Variants in PAX2 observed in about 807,000 individuals in gnomAD.
PAX2 encodes paired box protein Pax-2.
PAX2 carries 9 observed loss-of-function variants against 41.7 expected under a neutral mutation model. The observed-to-expected ratio is 0.22, with a 90% confidence interval of 0.13 to 0.38. The LOEUF is 0.38. Among genes scored for constraint, PAX2 ranks in the 10% least tolerant of loss-of-function variants. The probability of loss-of-function intolerance (pLI) is 1.00; values close to 1 mark genes in which losing one functional copy is unlikely to be tolerated. For synonymous variants in PAX2, 221 were observed against 212.7 expected (o/e 1.04, Z -0.34); for missense variants, 418 against 531.6 (o/e 0.79, Z 2.10).
intron 5 of PAX2, among the ~76,000 whole-genome samples, chr10:100,795,457 G>A (rs191678599): frequency 1.3e-5 from 2 of 152,210 alleles, no homozygotes; most frequent in Admixed American, 1.3e-4. Context: ...GGCAACTAGG[G>A]AAGTGTTTAT....
intron 7 of PAX2, among the ~76,000 whole-genome samples, chr10:100,816,522 T>A (rs1848190135): frequency 6.6e-6 from 1 of 152,192 alleles, no homozygotes; most frequent in Non-Finnish European, 1.5e-5. Context: ...AGGTATGTAT[T>A]GGTACCAAGG....
Position 100,827,483 on chromosome 10 carries a change from T to G in PAX2, c.1109-60T>G. ...AGGTCTTTTCTGTGCTTTTCTTTCCTTTTTTGTTCTCCTGTTTGTCCTCTC... is the reference window on the plus strand; with the variant it reads ...AGGTCTTTTCTGTGCTTTTCTTTCCGTTTTTGTTCTCCTGTTTGTCCTCTC... On this transcript the variant is annotated intron_variant, in intron 9 of 9. Transcript: ENST00000355243. This position sits in a 1 kb window ranked among gnomAD's most constrained non-coding sequence, Gnocchi z 8.5. 6.4e-7 allele frequency: 1 copy of G among 1,550,528 alleles called. No individual in the cohort carries two copies. The highest frequency in any genetic ancestry group is 8.9e-7 in the Non-Finnish European group (1 of 1,122,400).
chr10:100,799,428 C>T (rs1255003830), intron 5 of PAX2, among the ~76,000 whole-genome samples: 2 of 152,296 alleles, frequency 1.3e-5, no homozygotes, highest in East Asian at 3.9e-4. Flanking sequence ...TGCAAGCATT[C>T]TGTGAAGACT....
Position 100,748,776 on chromosome 10 carries a change from C to T in PAX2, c.44-970C>T. 2 of 985,390 alleles carry T rather than the reference C, an allele frequency of 2.0e-6. No individual in the cohort carries two copies. The highest frequency in any genetic ancestry group is 1.2e-6 in the Non-Finnish European group (1 of 829,944). The allele number at this position is 985,390 out of a possible 1,614,324, so 61.0% of individuals were successfully genotyped here. On this transcript the variant is annotated intron_variant, in intron 1 of 9. Transcript: ENST00000355243. This position sits in a 1 kb window ranked among gnomAD's most constrained non-coding sequence, Gnocchi z 5.0. ...CGAAAGAGCAAAAGCCCGAGCCGCT[C>T]GGTTTCCTGGGGGGGCTGCCGAGGT...
intron 5 of PAX2, among the ~76,000 whole-genome samples, chr10:100,787,214 G>GAGCTGAGGC (rs1447459457): frequency 1.3e-5 from 2 of 152,136 alleles, no homozygotes; most frequent in Non-Finnish European, 2.9e-5. Context: ...TGGGGTTTGG[G>GAGCTGAGGC]AGCTGAGGCC....
At chr10:100,787,427 T>C (rs1846912802) in intron 5 of PAX2, among the ~76,000 whole-genome samples, 1 of 152,218 alleles carries the variant, frequency 6.6e-6, no homozygotes, top group East Asian at 1.9e-4. Flanking sequence ...TTGAAGGTAA[T>C]TTTCTGGAAA....
intron 7 of PAX2, among the ~76,000 whole-genome samples, chr10:100,809,807 C>T (rs996179791): frequency 6.6e-6 from 1 of 152,238 alleles, no homozygotes; most frequent in East Asian, 1.9e-4. Context: ...GGCTTGATTT[C>T]AAGGCCAGGT....
Position 100,827,888 on chromosome 10 carries a change from G to T in PAX2, c.*269G>T. Reference sequence around the variant, plus strand: ...CCGCCCCTCCCCGCCTGCCTGGACTGCGCGGCGCCGTGAGGGGGATTCGGC... The same window carrying T: ...CCGCCCCTCCCCGCCTGCCTGGACTTCGCGGCGCCGTGAGGGGGATTCGGC... On this transcript the variant is annotated 3_prime_UTR_variant, in exon 10 of 10. Coordinates refer to ENST00000355243, the MANE Select transcript of PAX2 (RefSeq NM_000278.5). This position sits in a 1 kb window ranked among gnomAD's most constrained non-coding sequence, Gnocchi z 8.5. 4.0e-6 allele frequency: 2 copies of T among 498,196 alleles called. No individual in the cohort carries two copies. The allele number at this position is 498,196 out of a possible 1,614,324, so 30.9% of individuals were successfully genotyped here.
At chr10:100,807,666 C>T (rs113629974) in intron 6 of PAX2, among the ~76,000 whole-genome samples, 8 of 152,308 alleles carry the variant, frequency 5.3e-5, no homozygotes, top group African/African-American at 1.4e-4. Context: ...CACCCACATA[C>T]GCTGGGTGGA....
rs185614094 is a variant in PAX2, at chr10:100,770,959, A to G, written c.411-8539A>G. Among the ~76,000 whole-genome samples, 38 of 152,296 alleles carry G rather than the reference A, an allele frequency of 2.5e-4. No individual in the cohort carries two copies. In the East Asian group the frequency reaches 6.4e-3, roughly 26 times the overall value. ...CAAGGATCCCCTTGAGAAACCAACC[A>G]GAAGGATGGTTTCTTCACCTCCTGG... is the stretch of plus-strand genomic sequence containing the variant. On this transcript the variant is annotated intron_variant, in intron 3 of 9. Coordinates refer to ENST00000355243, the MANE Select transcript of PAX2 (RefSeq NM_000278.5).
At chr10:100,780,086 C>T (rs888251619) in intron 4 of PAX2, among the ~76,000 whole-genome samples, 2 of 152,110 alleles carry the variant, frequency 1.3e-5, no homozygotes, top group African/African-American at 4.8e-5. Flanking sequence ...TCCCTCTCTT[C>T]TCTCTTCTTC....
intron 5 of PAX2, among the ~76,000 whole-genome samples, chr10:100,795,607 A>T (rs1847298546): frequency 6.6e-6 from 1 of 152,210 alleles, no homozygotes; most frequent in African/African-American, 2.4e-5. Flanking sequence ...CATTTAAAGG[A>T]TTTCCAGAGC....
intron 1 of PAX2, among the ~76,000 whole-genome samples, chr10:100,739,458 G>A (rs1844879128): frequency 6.6e-6 from 1 of 152,224 alleles, no homozygotes; most frequent in Non-Finnish European, 1.5e-5. Context: ...CGCCGCGGAT[G>A]GATCCGAGAC....
upstream of PAX2, among the ~76,000 whole-genome samples, chr10:100,740,997 G>A (rs949386895): frequency 3.9e-5 from 6 of 152,236 alleles, no homozygotes; most frequent in Non-Finnish European, 5.9e-5. Flanking sequence ...TGGCTGGCCC[G>A]TGCCACTAAG....
At chr10:100,741,782 C>G (rs1382992838), upstream of PAX2, among the ~76,000 whole-genome samples, 1 of 152,246 alleles carries the variant, frequency 6.6e-6, no homozygotes, top group East Asian at 1.9e-4. Context: ...CTTCTCTTCC[C>G]TTCGGACTAC....
chr10:100,824,973 G>A lies in PAX2; in HGVS notation c.1021+224G>A. ...GAAGCTTGCAGAAGTGCCCCCTTGT[G>A]TGCAACCCACTGTATGTCATGGCCC... On this transcript the variant is annotated intron_variant, in intron 8 of 9. Coordinates refer to ENST00000355243, the MANE Select transcript of PAX2 (RefSeq NM_000278.5). The surrounding 1 kb of genome is among the most constrained non-coding windows in gnomAD (Gnocchi z 6.6). 1.2e-6 allele frequency: 2 copies of A among 1,613,898 alleles called. No individual in the cohort carries two copies. Among genetic ancestry groups the A allele is most frequent in the Non-Finnish European group, 1.7e-6 (2 of 1,179,880 alleles).
intron 1 of PAX2, among the ~76,000 whole-genome samples, chr10:100,735,984 G>C (rs1352840366): frequency 1.3e-5 from 2 of 152,216 alleles, no homozygotes; most frequent in Non-Finnish European, 2.9e-5. Context: ...TGCAGAACTT[G>C]GCTTTTTCCT....
intron 3 of PAX2, among the ~76,000 whole-genome samples, chr10:100,765,848 A>G (rs996441331): frequency 1.3e-5 from 2 of 152,300 alleles, no homozygotes; most frequent in African/African-American, 4.8e-5. Context: ...ACTAGCACAC[A>G]TGTGTACATG....
At chr10:100,762,428 G>A (rs1050945556) in intron 3 of PAX2, among the ~76,000 whole-genome samples, 2 of 152,064 alleles carry the variant, frequency 1.3e-5, no homozygotes, top group African/African-American at 2.4e-5. Context: ...AAGGAGAGCC[G>A]GTTTCTCATA....
Sources: gnomAD v4.1 joint callset for allele counts (sites outside exome capture counted in the v4.1 genomes callset) on GRCh38, gnomAD v4.1.1 for gene constraint, Gnocchi (gnomAD v3.1) non-coding constraint, MANE v1.5 for transcripts, NCBI Gene and HGNC (gene_info 2026-07-23, HGNC 2026-07-21) for gene names.